NDST4: variants seen among roughly 807,000 people sequenced by gnomAD.
The protein encoded by NDST4 is N-deacetylase and N-sulfotransferase 4.
Under a neutral mutation model 100.8 loss-of-function variants are expected in NDST4, and 63 were observed. The ratio of observed to expected loss-of-function variants is 0.62; its 90% CI spans 0.51 to 0.77. The LOEUF (loss-of-function observed/expected upper bound fraction) is 0.77. Ranked by LOEUF, NDST4 falls within the 30% of genes least tolerant of loss-of-function variation. NDST4 has a pLI of 0.00. For missense variants in NDST4, 943 were observed against 1,018.4 expected, an observed-to-expected ratio of 0.93 and a Z score of 1.01; for synonymous variants, 377 against 361.8, an observed-to-expected ratio of 1.04 and a Z score of -0.48.
chr4:114,918,720 C>T (rs1400247688), intron 6 of NDST4, among the ~76,000 whole-genome samples: 4 of 152,060 alleles, frequency 2.6e-5, no homozygotes, highest in East Asian at 3.9e-4. Context: ...GGAAACTCCC[C>T]GGTCAGAGAT....
Position 115,024,740 on chromosome 4 carries a change from A to T in NDST4, c.979-47466T>A, listed in dbSNP as rs529952386. On this transcript the variant is annotated intron_variant, in intron 2 of 13. Coordinates refer to ENST00000264363, the MANE Select transcript of NDST4 (RefSeq NM_022569.3). ...TTGGAATAGAATGAATGTAATTTGTATGTGAGAATGATGAGTTTTGAGAGG... is the reference window on the plus strand; with the variant it reads ...TTGGAATAGAATGAATGTAATTTGTTTGTGAGAATGATGAGTTTTGAGAGG... 5.3e-5 allele frequency among the ~76,000 whole-genome samples: 8 copies of T among 151,866 alleles called. No individual in the cohort carries two copies. The East Asian group carries it at 1.5e-3, about 29-fold the overall frequency.
At chr4:115,015,386 C>A (rs1344950747) in intron 2 of NDST4, among the ~76,000 whole-genome samples, 4 of 152,044 alleles carry the variant, frequency 2.6e-5, no homozygotes, top group African/African-American at 9.7e-5. Flanking sequence ...GAAGAGAAAT[C>A]TTTCCAACTG....
At chr4:114,918,892 A>G (rs757288547) in intron 6 of NDST4, among the ~76,000 whole-genome samples, 3 of 152,172 alleles carry the variant, frequency 2.0e-5, no homozygotes, top group Admixed American at 6.5e-5. Flanking sequence ...TGCCTCCCCA[A>G]TCTGCAGATT....
chr4:114,872,161 G>T (rs1724162510), intron 6 of NDST4, among the ~76,000 whole-genome samples: 1 of 151,942 alleles, frequency 6.6e-6, no homozygotes, highest in South Asian at 2.1e-4. Context: ...AAGACTATAT[G>T]CAGACCTTCT....
At chr4:114,895,971 G>T (rs2126207975) in intron 6 of NDST4, among the ~76,000 whole-genome samples, 1 of 152,210 alleles carries the variant, frequency 6.6e-6, no homozygotes, top group East Asian at 1.9e-4. Context: ...AAATGATCAA[G>T]CTTGCCTAAC....
chr4:115,094,914 A>G (rs1367408681), intron 1 of NDST4, among the ~76,000 whole-genome samples: 1 of 152,114 alleles, frequency 6.6e-6, no homozygotes, highest in African/African-American at 2.4e-5. Context: ...GAGACAATAC[A>G]TTCCTGTTGT....
chr4:114,868,012 C>G (rs1169462297), intron 7 of NDST4, among the ~76,000 whole-genome samples: 1 of 152,052 alleles, frequency 6.6e-6, no homozygotes, highest in Non-Finnish European at 1.5e-5. Context: ...GTAGTTGGTG[C>G]TAATGAAACT....
chr4:114,947,854 C>T (rs899722522), intron 4 of NDST4, among the ~76,000 whole-genome samples: 25 of 151,972 alleles, frequency 1.6e-4, no homozygotes, highest in African/African-American at 5.8e-4. Flanking sequence ...AAAAAATCTT[C>T]GATCTGATTG....
intron 2 of NDST4, among the ~76,000 whole-genome samples, chr4:114,986,267 T>C (rs1381792079): frequency 6.6e-6 from 1 of 152,150 alleles, no homozygotes; most frequent in East Asian, 1.9e-4. Context: ...AGTGTGTTCA[T>C]TGTGTTGTAA....
At chr4:115,008,990 C>T (rs1727481911) in intron 2 of NDST4, among the ~76,000 whole-genome samples, 1 of 126,556 alleles carries the variant, frequency 7.9e-6, no homozygotes, top group South Asian at 3.1e-4. Context: ...ACATGAAGGA[C>T]CTCTTCAAGG....
intron 6 of NDST4, 25 bp from the exon 7 acceptor site, chr4:114,870,975 C>A: frequency 1.3e-6 from 2 of 1,571,476 alleles, no homozygotes; most frequent in Non-Finnish European, 1.7e-6. Flanking sequence ...AAAATGACCA[C>A]AAAAATATCA....
intron 4 of NDST4, among the ~76,000 whole-genome samples, chr4:114,966,352 T>C (rs1726382700): frequency 6.6e-6 from 1 of 152,036 alleles, no homozygotes; most frequent in Admixed American, 6.6e-5. Flanking sequence ...TAAAGTCTCT[T>C]CCAACATGAT....
chr4:114,958,047 G>C (rs968488609), intron 4 of NDST4, among the ~76,000 whole-genome samples: 1 of 152,200 alleles, frequency 6.6e-6, no homozygotes, highest in African/African-American at 2.4e-5. Context: ...GGGGTCTAGA[G>C]GATGGTGACC....
At chr4:114,916,213 A>G (rs923472406) in intron 6 of NDST4, among the ~76,000 whole-genome samples, 2 of 152,136 alleles carry the variant, frequency 1.3e-5, no homozygotes, top group Non-Finnish European at 1.5e-5. Flanking sequence ...ATTTCAATGG[A>G]ATAGCTTGAA....
intron 6 of NDST4, among the ~76,000 whole-genome samples, chr4:114,897,071 T>C (rs1014509388): frequency 1.3e-5 from 2 of 152,188 alleles, no homozygotes; most frequent in African/African-American, 2.4e-5. Flanking sequence ...TGAGCTTACA[T>C]TGACACATCA....
intron 8 of NDST4, 95 bp from the exon 9 acceptor site, chr4:114,848,433 C>T (rs953402272): frequency 3.2e-6 from 3 of 952,108 alleles, no homozygotes; most frequent in Non-Finnish European, 4.6e-6. Context: ...TTAAAATAAT[C>T]AACTATTTCC....
intron 6 of NDST4, among the ~76,000 whole-genome samples, chr4:114,923,991 G>A (rs1368470726): frequency 6.6e-6 from 1 of 151,922 alleles, no homozygotes; most frequent in African/African-American, 2.4e-5. Context: ...ATACACAGCA[G>A]TGCAAATTGT....
At chr4:115,014,247 A>C (rs1274173148) in intron 2 of NDST4, among the ~76,000 whole-genome samples, 1 of 152,028 alleles carries the variant, frequency 6.6e-6, no homozygotes, top group Admixed American at 6.6e-5. Context: ...CCTATGTCCT[A>C]AATTAGTTTG....
intron 2 of NDST4, among the ~76,000 whole-genome samples, chr4:115,073,191 AG>A (rs1287682074): frequency 6.6e-6 from 1 of 152,044 alleles, no homozygotes; most frequent in Non-Finnish European, 1.5e-5. Context: ...GATGTGGAGA[AG>A]GGGGAACCCT....
Sources: allele counts gnomAD v4.1 joint callset (sites outside exome capture counted in the v4.1 genomes callset), GRCh38; gene constraint gnomAD v4.1.1; transcripts MANE v1.5; gene names NCBI Gene and HGNC (gene_info 2026-07-23, HGNC 2026-07-21).